Variants in OTUB1 observed in about 807,000 individuals in gnomAD.
OTUB1 encodes the protein OTU deubiquitinase, ubiquitin aldehyde binding 1.
Under a neutral mutation model 35.8 loss-of-function variants are expected in OTUB1, and 10 were observed. The ratio of observed to expected loss-of-function variants is 0.28; its 90% CI spans 0.17 to 0.47. OTUB1 has a LOEUF of 0.47. Among genes scored for constraint, OTUB1 ranks in the 20% least tolerant of loss-of-function variants. The pLI, the probability that OTUB1 is intolerant of heterozygous loss-of-function variation, is 0.99. For synonymous variants in OTUB1, 158 were observed against 143.8 expected (o/e 1.10, Z -0.71); for missense variants, 264 against 351.6 (o/e 0.75, Z 1.99).
In OTUB1 at chr11:63,998,129, G is replaced by GGA; in HGVS notation, c.*583_*584insGA. The GGA allele has an allele frequency of 3.2e-6, 1 of 312,412 alleles. No homozygotes were observed. The highest frequency in any genetic ancestry group is 6.1e-6 in the Non-Finnish European group (1 of 164,910). 19.4% of individuals were successfully genotyped at this position (312,412 alleles called of 1,614,324 possible). On this transcript the variant is annotated 3_prime_UTR_variant, in exon 7 of 7. Coordinates refer to ENST00000538426, the MANE Select transcript of OTUB1 (RefSeq NM_017670.3). ...GGAGGAGCTGGGCCTCCCACAGGGT[G>GGA]CCCGGGCAGTGCCATCCTGGTGGGG... is the stretch of plus-strand genomic sequence containing the variant.
chr11:63,988,789 G>T lies in OTUB1; in HGVS notation c.219+37G>T, dbSNP rs776545236. The T allele has an allele frequency of 6.5e-6, 9 of 1,388,598 alleles. No individual in the cohort carries two copies. The East Asian group carries it at 2.1e-4, about 32-fold the overall frequency. The allele number at this position is 1,388,598 out of a possible 1,614,324, so 86.0% of individuals were successfully genotyped here. A position where few individuals can be genotyped will look rare whatever the true frequency, so the allele number is the denominator to read the frequency against. ...GCCAGAGCGGGTGGGAAGCACCCTG[G>T]GGGTGGGGCAGGAGGGTGCCTGCTT... On this transcript the variant is annotated intron_variant, in intron 3 of 6. Transcript: ENST00000538426.
rs966350290 is a variant in OTUB1, at chr11:63,997,694, T to G, written c.*148T>G. On this transcript the variant is annotated 3_prime_UTR_variant, in exon 7 of 7. Transcript: ENST00000538426. ...CCCCATGTTTTATTAAAGGGGGTGC[T>G]GGTGGTGAGCCGTGTGTGCGTGTCC... The G allele has an allele frequency of 2.7e-6, 2 of 736,984 alleles. No homozygotes were observed. Among genetic ancestry groups the G allele is most frequent in the Non-Finnish European group, 4.8e-6 (2 of 416,950 alleles). 45.7% of individuals were successfully genotyped at this position (736,984 alleles called of 1,614,324 possible).
intron 3 of OTUB1, among the ~76,000 whole-genome samples, chr11:63,992,344 C>T (rs1046471270): frequency 1.3e-5 from 2 of 151,500 alleles, no homozygotes; most frequent in Non-Finnish European, 2.9e-5. Context: ...CACAGGCGTC[C>T]GAGAGCAGTG....
At chr11:63,993,025 A>C (rs1942686424) in intron 3 of OTUB1, among the ~76,000 whole-genome samples, 1 of 152,254 alleles carries the variant, frequency 6.6e-6, no homozygotes, top group Non-Finnish European at 1.5e-5. Flanking sequence ...AATAAACTCC[A>C]GAGGGTGAAG....
chr11:63,993,125 G>A (rs527409228), intron 3 of OTUB1, among the ~76,000 whole-genome samples: 1 of 152,340 alleles, frequency 6.6e-6, no homozygotes, highest in Admixed American at 6.5e-5. Context: ...AGAAGCAGTT[G>A]GATACCAGAC....
intron 4 of OTUB1, 85 bp downstream of exon 4, chr11:63,996,733 C>T: frequency 1.2e-6 from 2 of 1,611,682 alleles, no homozygotes; most frequent in Non-Finnish European, 8.5e-7. Flanking sequence ...AGTAGGGTGT[C>T]TCCCTCCTTC....
At position 63,996,941 on chromosome 11, in the gene OTUB1, G is replaced by A. The variant is rs775773027; in HGVS notation, c.423G>A (p.Thr141=). The A allele has an allele frequency of 8.1e-6, 13 of 1,613,956 alleles. No homozygotes were observed. Among genetic ancestry groups the A allele is most frequent in the Non-Finnish European group, 1.1e-5 (13 of 1,179,930 alleles). The change falls in exon 5 of 7, where the codon ACG becomes ACA. Residue 141 remains threonine (T), a splice_region_variant and synonymous_variant. Transcript: ENST00000538426. ...TCACAATTGAGGATTTCCACAACAC[G>A]GTGAGCCCTGGTGCCTGTCTTGGGC... ...TEFTIEDFHN[T]FMDLIEQVEK...
At chr11:63,995,080 G>A (rs772177697) in intron 3 of OTUB1, among the ~76,000 whole-genome samples, 12 of 151,990 alleles carry the variant, frequency 7.9e-5, no homozygotes, top group East Asian at 1.9e-4. Context: ...TGTCACCCAC[G>A]CTAGAGTGTA....
At chr11:63,992,610 G>T (rs916791620) in intron 3 of OTUB1, among the ~76,000 whole-genome samples, 1 of 152,144 alleles carries the variant, frequency 6.6e-6, no homozygotes, top group Non-Finnish European at 1.5e-5. Context: ...GAGTGCAATG[G>T]CACCATCTCA....
intron 3 of OTUB1, chr11:63,989,277 AGCACT>A (rs1565184499): frequency 6.7e-6 from 1 of 149,490 alleles, no homozygotes; most frequent in Non-Finnish European, 1.5e-5. Context: ...CCAAGATTGC[AGCACT>A]GCACTCCAGC....
In OTUB1 at chr11:63,986,531, G is replaced by A. The variant is rs756380620; in HGVS notation, c.58+17G>A. 1 of 1,539,072 alleles carries A rather than the reference G, an allele frequency of 6.5e-7. No homozygotes were observed. Among genetic ancestry groups the A allele is most frequent in the South Asian group, 1.2e-5 (1 of 83,684 alleles). ...ACTCCGAAGGTACAGATCCAAGGAG[G>A]GATGTCCGGCCCGGGCTAGTGGGGG... On this transcript the variant is annotated intron_variant, in intron 1 of 6. Coordinates refer to ENST00000538426, the MANE Select transcript of OTUB1 (RefSeq NM_017670.3).
At chr11:63,992,313 G>A (rs1023484253) in intron 3 of OTUB1, among the ~76,000 whole-genome samples, 1 of 152,170 alleles carries the variant, frequency 6.6e-6, no homozygotes, top group African/African-American at 2.4e-5. Flanking sequence ...GTAATGAACA[G>A]AAAAAGACCG....
intron 3 of OTUB1, 136 bp from the exon 4 acceptor site, chr11:63,996,393 CA>C: frequency 4.6e-6 from 4 of 868,258 alleles, no homozygotes; most frequent in Non-Finnish European, 7.2e-6. Context: ...CAGCCTGTTT[CA>C]GGGACCCAGG....
At chr11:63,987,030 C>CT (rs1403559297) in intron 1 of OTUB1, 3 of 154,404 alleles carry the variant, frequency 1.9e-5, no homozygotes, top group African/African-American at 7.2e-5. Flanking sequence ...AGGCCTGCGA[C>CT]TTTTTCTGGT....
chr11:63,994,110 T>C (rs1942696739), intron 3 of OTUB1, among the ~76,000 whole-genome samples: 1 of 150,604 alleles, frequency 6.6e-6, no homozygotes, highest in Non-Finnish European at 1.5e-5. Context: ...CCAGGTGACA[T>C]AGAAAGCCCT....
At chr11:63,991,558 C>T (rs1942672928) in intron 3 of OTUB1, among the ~76,000 whole-genome samples, 1 of 152,232 alleles carries the variant, frequency 6.6e-6, no homozygotes, top group Non-Finnish European at 1.5e-5. Context: ...ACAGCTGTGG[C>T]AGCAGAGCCC....
chr11:63,998,264 C>A lies in OTUB1; in HGVS notation c.*718C>A. On this transcript the variant is annotated 3_prime_UTR_variant, in exon 7 of 7. Transcript: ENST00000538426. ...CCCCCTGCCTGTGCCTGCCTTGCAC[C>A]CCCTCTGCTTGGGCCACGGTGTCTC... is the stretch of plus-strand genomic sequence containing the variant. The A allele has an allele frequency of 5.4e-6, 1 of 183,898 alleles. No homozygotes were observed. The highest frequency in any genetic ancestry group is 1.2e-5 in the Non-Finnish European group (1 of 86,430). 11.4% of individuals were successfully genotyped at this position (183,898 alleles called of 1,614,324 possible). A position where few individuals can be genotyped will look rare whatever the true frequency, so the allele number is the denominator to read the frequency against.
intron 2 of OTUB1, 115 bp downstream of exon 2, chr11:63,988,513 G>A: frequency 1.6e-6 from 2 of 1,282,052 alleles, no homozygotes; most frequent in Non-Finnish European, 2.3e-6. Context: ...CTCCTCCCTA[G>A]GCTATGCTAG....
chr11:63,986,660 T>G, intron 1 of OTUB1, 146 bp downstream of exon 1: 2 of 630,074 alleles, frequency 3.2e-6, no homozygotes, highest in Non-Finnish European at 5.3e-6. Flanking sequence ...CTGCCTCCCC[T>G]CCCCCTCACA....
Sources: allele counts gnomAD v4.1 joint callset (sites outside exome capture counted in the v4.1 genomes callset), GRCh38; gene constraint gnomAD v4.1.1; transcripts MANE v1.5; gene names NCBI Gene and HGNC (gene_info 2026-07-23, HGNC 2026-07-21).